The following ASAP3 variants were observed in gnomAD, a reference collection of about 807,000 sequenced individuals.
The protein encoded by ASAP3 is ArfGAP with SH3 domain, ankyrin repeat and PH domain 3.
ASAP3 carries 85 observed loss-of-function variants against 118.2 expected under a neutral mutation model. That is an observed-to-expected ratio of 0.72 (90% CI 0.60 to 0.86). The LOEUF is 0.86. ASAP3 is among the 40% of genes least tolerant of loss of function. The pLI is 0.00. For synonymous variants in ASAP3, 432 were observed against 477.4 expected (o/e 0.90, Z 1.24); for missense variants, 1,026 against 1,175.0 (o/e 0.87, Z 1.85).
upstream of ASAP3, chr1:23,484,389 T>G: frequency 2.3e-5 from 6 of 263,906 alleles, no homozygotes; most frequent in Middle Eastern, 1.2e-3. Context: ...GTCAGGCCGC[T>G]TCCCCGGCCC....
At chr1:23,441,352 G>T in intron 9 of ASAP3, 35 bp downstream of exon 9, 2 of 1,612,116 alleles carry the variant, frequency 1.2e-6, no homozygotes. Context: ...GGCCTTGGGG[G>T]AGGGCATTCC....
chr1:23,450,657 C>CT (rs1641185928), intron 5 of ASAP3, among the ~76,000 whole-genome samples: 1 of 151,674 alleles, frequency 6.6e-6, no homozygotes, highest in Non-Finnish European at 1.5e-5. Flanking sequence ...TGCCATAACC[C>CT]TAAGCCTCTG....
chr1:23,440,017 T>A (rs1348733476), intron 10 of ASAP3, among the ~76,000 whole-genome samples: 2 of 151,898 alleles, frequency 1.3e-5, no homozygotes, highest in African/African-American at 4.8e-5. Flanking sequence ...GGTTTCACTA[T>A]GTTGGCTGGG....
In ASAP3 at chr1:23,441,483, A is replaced by C. The variant is rs1640871715; in HGVS notation, c.748-10T>G. The C allele has an allele frequency of 6.2e-7, 1 of 1,613,970 alleles. No homozygotes were observed. Among genetic ancestry groups the C allele is most frequent in the Non-Finnish European group, 8.5e-7 (1 of 1,179,940 alleles). On this transcript the variant is annotated splice_polypyrimidine_tract_variant and intron_variant, in intron 8 of 24. Coordinates refer to ENST00000336689, the MANE Select transcript of ASAP3 (RefSeq NM_017707.4). Reference sequence around the variant, plus strand: ...CCTGGGCCTGATGGAGCTATGGGACAGAGGATGGGATCCCATCACCAGCCA... The same window carrying C: ...CCTGGGCCTGATGGAGCTATGGGACCGAGGATGGGATCCCATCACCAGCCA...
chr1:23,433,038 A>G, intron 22 of ASAP3, 39 bp downstream of exon 22: 1 of 1,610,400 alleles, frequency 6.2e-7, no homozygotes, highest in Non-Finnish European at 8.5e-7. Context: ...GTCCTCTGTG[A>G]ATGGCATGGT....
In ASAP3 at chr1:23,441,131, T is replaced by G. The variant is rs1640857534; in HGVS notation, c.915A>C (p.Lys305Asn). 6.2e-7 allele frequency: 1 copy of G among 1,614,110 alleles called. No individual in the cohort carries two copies. The highest frequency in any genetic ancestry group is 8.5e-7 in the Non-Finnish European group (1 of 1,180,048). Residue 305 changes from lysine (K) to asparagine (N), a missense_variant, in exon 10 of 25, where the codon AAA (lysine) becomes AAC (asparagine). Physicochemically the swap from Lys to Asn is moderately conservative, Grantham distance 94 (BLOSUM62 0). Coordinates refer to ENST00000336689, the MANE Select transcript of ASAP3 (RefSeq NM_017707.4). ...CACTTTTCTTGTATAGAAAGCCCACTTTCTCCGTCCCAAACTGCTTGTTGC... is the reference window on the plus strand; with the variant it reads ...CACTTTTCTTGTATAGAAAGCCCACGTTCTCCGTCCCAAACTGCTTGTTGC... ...HQGNKQFGTE[K>N]VGFLYKKSDG...
chr1:23,463,423 C>T (rs115923592), intron 1 of ASAP3, among the ~76,000 whole-genome samples: 2,698 of 151,384 alleles, frequency 0.018, 85 homozygotes, highest in African/African-American at 0.062. Flanking sequence ...TTTAAGGAGA[C>T]GATTCTGATA....
chr1:23,437,200 G>C lies in ASAP3; in HGVS notation c.1272C>G (p.Leu424=). ...SAGHDGEPHD[L]TKLLIAEVKS... ...TCACCTCCGCGATGAGCAGCTTTGT[G>C]AGGTCGTGCGGCTCCCCATCATGGC... is the stretch of plus-strand genomic sequence containing the variant. The change falls in exon 14 of 25, where the codon CTC becomes CTG. Residue 424 remains leucine, a synonymous_variant. Transcript: ENST00000336689. The surrounding 1 kb of genome is among the most constrained non-coding windows in gnomAD (Gnocchi z 6.1). The C allele has an allele frequency of 1.2e-6, 2 of 1,605,332 alleles. No individual in the cohort carries two copies. The highest frequency in any genetic ancestry group is 1.7e-6 in the Non-Finnish European group (2 of 1,176,292).
intron 1 of ASAP3, among the ~76,000 whole-genome samples, chr1:23,459,636 TGTAGAAA>T (rs1641503176): frequency 6.6e-6 from 1 of 152,198 alleles, no homozygotes; most frequent in South Asian, 2.1e-4. Context: ...AGAGCAGATG[TGTAGAAA>T]GACATGAACA....
In ASAP3 at chr1:23,433,612, C is replaced by G. The variant is rs2148603392; in HGVS notation, c.2019+14G>C. On this transcript the variant is annotated intron_variant, in intron 20 of 24. Transcript: ENST00000336689. The stretch of plus-strand genomic sequence containing the variant: ...AGAAAGAGTCAGGGGCCCCTTGCCT[C>G]CCCGAGTCCTCACCAGCTCCTCACA... 1 of 1,614,230 alleles carries G rather than the reference C, an allele frequency of 6.2e-7. No homozygotes were observed. Among genetic ancestry groups the G allele is most frequent in the Non-Finnish European group, 8.5e-7 (1 of 1,180,024 alleles).
At chr1:23,473,472 G>A (rs1289240174) in intron 1 of ASAP3, among the ~76,000 whole-genome samples, 1 of 152,156 alleles carries the variant, frequency 6.6e-6, no homozygotes, top group Non-Finnish European at 1.5e-5. Flanking sequence ...TCCCCTGTGG[G>A]TCTCACTCCC....
chr1:23,460,357 A>C (rs1472379153), intron 1 of ASAP3, among the ~76,000 whole-genome samples: 1 of 152,088 alleles, frequency 6.6e-6, no homozygotes, highest in Non-Finnish European at 1.5e-5. Context: ...AAATACAAAA[A>C]TTAGCCAGGC....
intron 1 of ASAP3, 68 bp from the exon 2 acceptor site, chr1:23,456,262 T>C: frequency 1.4e-6 from 2 of 1,472,274 alleles, no homozygotes; most frequent in Non-Finnish European, 1.9e-6. Flanking sequence ...TCAGGAACGC[T>C]GTATCTATGA....
At chr1:23,462,639 G>C (rs1641631408) in intron 1 of ASAP3, among the ~76,000 whole-genome samples, 1 of 151,952 alleles carries the variant, frequency 6.6e-6, no homozygotes, top group African/African-American at 2.4e-5. Context: ...TGTGCCTGTA[G>C]TCCCAGCTAC....
intron 1 of ASAP3, among the ~76,000 whole-genome samples, chr1:23,477,986 T>C (rs759549569): frequency 6.6e-6 from 1 of 152,192 alleles, no homozygotes. Context: ...CAGTGCCTCA[T>C]ACAGGGCCTG....
At chr1:23,477,401 A>T (rs56190419) in intron 1 of ASAP3, among the ~76,000 whole-genome samples, 13,661 of 145,756 alleles carry the variant, frequency 0.094, 2,295 homozygotes, top group African/African-American at 0.33. Flanking sequence ...AAAAAAAAGA[A>T]GATGTTCCTT....
intron 1 of ASAP3, among the ~76,000 whole-genome samples, chr1:23,473,664 A>C (rs1642029162): frequency 6.6e-6 from 1 of 152,236 alleles, no homozygotes; most frequent in Non-Finnish European, 1.5e-5. Context: ...CAGTGGCCAG[A>C]AACAGCTGAA....
Position 23,436,491 on chromosome 1 carries a change from T to C in ASAP3, c.1571+69A>G. 2 of 1,557,628 alleles carry C rather than the reference T, an allele frequency of 1.3e-6. No homozygotes were observed. The highest frequency in any genetic ancestry group is 1.8e-6 in the Non-Finnish European group (2 of 1,130,818). On this transcript the variant is annotated intron_variant, in intron 16 of 24. Coordinates refer to ENST00000336689, the MANE Select transcript of ASAP3 (RefSeq NM_017707.4). The surrounding 1 kb of genome is among the most constrained non-coding windows in gnomAD (Gnocchi z 4.2). ...CCAGACTTCTGATCCAAGACTTTTC[T>C]ACGACCCTGGACACTGCGGAGGCAG...
chr1:23,435,765 G>A, intron 17 of ASAP3, 86 bp downstream of exon 17: 1 of 1,461,622 alleles, frequency 6.8e-7, no homozygotes, highest in Non-Finnish European at 9.6e-7. Flanking sequence ...GAGGTGGGGT[G>A]GAGGGGAGTA....
Sources: gnomAD v4.1 joint callset for allele counts (sites outside exome capture counted in the v4.1 genomes callset) on GRCh38, gnomAD v4.1.1 for gene constraint, Gnocchi (gnomAD v3.1) non-coding constraint, MANE v1.5 for transcripts, NCBI Gene and HGNC (gene_info 2026-07-23, HGNC 2026-07-21) for gene names.